Variants in SLC6A11 observed in about 807,000 individuals in gnomAD.
SLC6A11 encodes the protein sodium- and chloride-dependent GABA transporter 3.
A neutral mutation model predicts 74.8 loss-of-function variants in SLC6A11; 25 were observed. That is an observed-to-expected ratio of 0.33 (90% CI 0.24 to 0.47). The LOEUF is 0.47. Among genes scored for constraint, SLC6A11 ranks in the 20% least tolerant of loss-of-function variants. The probability of loss-of-function intolerance (pLI) is 1.00; values close to 1 mark genes in which losing one functional copy is unlikely to be tolerated. For synonymous variants in SLC6A11, 330 were observed against 330.2 expected (o/e 1.00, Z 0.01); for missense variants, 574 against 837.0 (o/e 0.69, Z 3.88).
intron 5 of SLC6A11, among the ~76,000 whole-genome samples, chr3:10,872,677 TTGAG>T (rs901410822): frequency 2.0e-5 from 3 of 152,242 alleles, no homozygotes; most frequent in African/African-American, 4.8e-5. Context: ...ATGAGAGTGT[TTGAG>T]TGAGTGAGTG....
intron 8 of SLC6A11, among the ~76,000 whole-genome samples, chr3:10,924,365 A>G (rs970431222): frequency 6.6e-6 from 1 of 152,300 alleles, no homozygotes; most frequent in South Asian, 2.1e-4. Flanking sequence ...AAGAATAAAA[A>G]TTTTCTTGAT....
At chr3:10,882,038 G>A (rs1694987554) in intron 6 of SLC6A11, among the ~76,000 whole-genome samples, 1 of 152,234 alleles carries the variant, frequency 6.6e-6, no homozygotes, top group Admixed American at 6.5e-5. Flanking sequence ...CATGTGGGCA[G>A]CAGGGATTCT....
rs763913039 is a variant in SLC6A11 at position 10,830,817 on chromosome 3, ATTCT to A, written c.623+7426_623+7429del. Among the ~76,000 whole-genome samples, 81 of 152,134 alleles carry A rather than the reference ATTCT, an allele frequency of 5.3e-4. 1 individual carries two copies. The highest frequency in any genetic ancestry group is 9.0e-4 in the Non-Finnish European group (61 of 68,024). On this transcript the variant is annotated intron_variant, in intron 4 of 13. Coordinates refer to ENST00000254488, the MANE Select transcript of SLC6A11 (RefSeq NM_014229.3). ...GTACCTTTCTAAAGGGTTTGCAGTGATTCTGTGGGATGCCTGCAAATGTTCTATT... is the reference window on the plus strand; with the variant it reads ...GTACCTTTCTAAAGGGTTTGCAGTGAGTGGGATGCCTGCAAATGTTCTATT...
intron 5 of SLC6A11, among the ~76,000 whole-genome samples, chr3:10,873,660 GTCCTA>G (rs1215304371): frequency 3.8e-5 from 3 of 78,120 alleles, no homozygotes; most frequent in Non-Finnish European, 6.8e-5. Flanking sequence ...CATCTATCCC[GTCCTA>G]TCCTATCCTA....
intron 8 of SLC6A11, among the ~76,000 whole-genome samples, chr3:10,923,104 T>C (rs1014405236): frequency 6.6e-6 from 1 of 152,172 alleles, no homozygotes; most frequent in Non-Finnish European, 1.5e-5. Flanking sequence ...TACAGATAGA[T>C]ATAGAAATAT....
chr3:10,931,444 A>G (rs993287948), intron 10 of SLC6A11, among the ~76,000 whole-genome samples: 1 of 152,194 alleles, frequency 6.6e-6, no homozygotes, highest in Non-Finnish European at 1.5e-5. Flanking sequence ...CCCGTACTCC[A>G]CAGAGAGGTG....
chr3:10,835,964 A>T (rs142033003), intron 4 of SLC6A11, among the ~76,000 whole-genome samples: 2 of 152,338 alleles, frequency 1.3e-5, no homozygotes, highest in South Asian at 2.1e-4. Context: ...CATCACCACA[A>T]TATAAGTTTA....
chr3:10,863,759 AAGC>A (rs1694731405), intron 5 of SLC6A11, among the ~76,000 whole-genome samples: 1 of 152,134 alleles, frequency 6.6e-6, no homozygotes, highest in Non-Finnish European at 1.5e-5. Flanking sequence ...GGTGACATGA[AAGC>A]AAAGGTTTGC....
intron 4 of SLC6A11, among the ~76,000 whole-genome samples, chr3:10,839,819 C>A (rs1469824865): frequency 6.6e-6 from 1 of 152,184 alleles, no homozygotes; most frequent in African/African-American, 2.4e-5. Context: ...CCAAGCACCA[C>A]TTCACTCTTG....
At chr3:10,823,572 A>G in intron 4 of SLC6A11, 180 bp downstream of exon 4, 1 of 571,204 alleles carries the variant, frequency 1.8e-6, no homozygotes, top group South Asian at 2.2e-5. Flanking sequence ...GGTTTCCCAA[A>G]GGGGCAGCTG....
intron 5 of SLC6A11, among the ~76,000 whole-genome samples, chr3:10,857,554 G>A (rs543027836): frequency 2.8e-4 from 42 of 152,244 alleles, no homozygotes; most frequent in African/African-American, 8.2e-4. Context: ...TGGAGCAGAC[G>A]ATAATTCACT....
At chr3:10,902,755 T>C (rs1695256208) in intron 6 of SLC6A11, among the ~76,000 whole-genome samples, 1 of 152,224 alleles carries the variant, frequency 6.6e-6, no homozygotes, top group Admixed American at 6.5e-5. Context: ...AGGCCCCTTT[T>C]GCTTGGTGTT....
intron 6 of SLC6A11, among the ~76,000 whole-genome samples, chr3:10,881,568 T>A (rs2106609415): frequency 6.6e-6 from 1 of 152,334 alleles, no homozygotes; most frequent in South Asian, 2.1e-4. Flanking sequence ...AATTGCCTTG[T>A]CTCTTGTGGC....
intron 5 of SLC6A11, among the ~76,000 whole-genome samples, chr3:10,848,115 C>G (rs1398440934): frequency 6.6e-6 from 1 of 152,210 alleles, no homozygotes; most frequent in Non-Finnish European, 1.5e-5. Context: ...CAGACCCTTC[C>G]TATCTCCAAG....
At chr3:10,912,255 AG>A (rs1358444229) in intron 7 of SLC6A11, 62 bp downstream of exon 7, 3 of 1,139,962 alleles carry the variant, frequency 2.6e-6, no homozygotes, top group Non-Finnish European at 4.0e-6. Flanking sequence ...CTAACCTGCC[AG>A]GCTAGTTTAT....
intron 4 of SLC6A11, among the ~76,000 whole-genome samples, chr3:10,836,465 C>T (rs1694368492): frequency 6.6e-6 from 1 of 152,208 alleles, no homozygotes; most frequent in Admixed American, 6.5e-5. Flanking sequence ...TGCATTCCCA[C>T]CAGTAATATA....
Position 10,922,241 on chromosome 3 carries a change from A to G in SLC6A11, c.1121-3763A>G, listed in dbSNP as rs1008643882. Among the ~76,000 whole-genome samples, 5 of 152,200 alleles carry G rather than the reference A, an allele frequency of 3.3e-5. No individual in the cohort carries two copies. The East Asian group carries it at 5.8e-4, about 18-fold the overall frequency. ...ATACTATGCCATAAAACAAGCATCA[A>G]TGTATTTCATGAAATTGAGACCCAT... On this transcript the variant is annotated intron_variant, in intron 8 of 13. Transcript: ENST00000254488.
intron 4 of SLC6A11, among the ~76,000 whole-genome samples, chr3:10,829,679 A>T (rs375406531): frequency 6.6e-6 from 1 of 152,142 alleles, no homozygotes; most frequent in Admixed American, 6.5e-5. Context: ...ATATGGGATG[A>T]TGTATGGTAA....
At chr3:10,852,878 A>G (rs972601543) in intron 5 of SLC6A11, among the ~76,000 whole-genome samples, 4 of 152,246 alleles carry the variant, frequency 2.6e-5, no homozygotes, top group Non-Finnish European at 4.4e-5. Context: ...GGGAACGGTA[A>G]AAGAATGATT....
Sources: gnomAD v4.1 joint callset for allele counts (sites outside exome capture counted in the v4.1 genomes callset) on GRCh38, gnomAD v4.1.1 for gene constraint, MANE v1.5 for transcripts, NCBI Gene and HGNC (gene_info 2026-07-23, HGNC 2026-07-21) for gene names.